The following ARHGEF6 variants were observed in gnomAD, a reference collection of about 807,000 sequenced individuals.
ARHGEF6 encodes Rac/Cdc42 guanine nucleotide exchange factor 6.
ARHGEF6 carries 9 observed loss-of-function variants against 70.3 expected under a neutral mutation model. The ratio of observed to expected loss-of-function variants is 0.13; its 90% CI spans 0.08 to 0.22. The LOEUF (loss-of-function observed/expected upper bound fraction) is 0.22. ARHGEF6 is among the 10% of genes least tolerant of loss of function. The pLI is 1.00. For synonymous variants in ARHGEF6, 201 were observed against 207.8 expected (o/e 0.97, Z 0.28); for missense variants, 470 against 563.0 (o/e 0.83, Z 1.67).
At chrX:136,765,924 T>C (rs2077309000) in intron 2 of ARHGEF6, among the ~76,000 whole-genome samples, 3 of 112,375 alleles carry the variant, frequency 2.7e-5, no homozygotes, top group African/African-American at 9.7e-5. Context: ...TAGCTGGAAA[T>C]TTACTTTGTT....
chrX:136,734,596 T>A (rs919003011), intron 5 of ARHGEF6, among the ~76,000 whole-genome samples: 2 of 111,803 alleles, frequency 1.8e-5, no homozygotes, highest in Non-Finnish European at 3.8e-5. Context: ...CAATACTAAT[T>A]CCATATAATG....
intron 2 of ARHGEF6, among the ~76,000 whole-genome samples, chrX:136,770,906 A>T (rs1569425394): frequency 8.9e-6 from 1 of 112,268 alleles, no homozygotes; most frequent in East Asian, 2.8e-4. Flanking sequence ...CTGAGGTAGG[A>T]CAATCACCTG....
intron 6 of ARHGEF6, among the ~76,000 whole-genome samples, chrX:136,728,469 G>A (rs1477193926): frequency 9.2e-6 from 1 of 109,032 alleles, no homozygotes; most frequent in East Asian, 2.9e-4. Flanking sequence ...TTAGAAACTT[G>A]AAAAAGGGGA....
chrX:136,708,754 C>T lies in ARHGEF6; in HGVS notation c.844G>A (p.Val282Ile), dbSNP rs892895696. The T allele has an allele frequency of 8.4e-7, 1 of 1,195,450 alleles. No individual in the cohort carries two copies. The highest frequency in any genetic ancestry group is 1.7e-5 in the African/African-American group (1 of 57,409). The stretch of plus-strand genomic sequence containing the variant: ...TCGAAGTTTCCCAGTAAAGATGTAA[C>T]CTCCACAGTACTCAGACTGAAAAAA... ...QSNNNLSTVE[V>I]TSLLGNFEEV... Residue 282 changes from valine (V) to isoleucine (I), a missense_variant, in exon 8 of 22, where the codon GTT (valine) becomes ATT (isoleucine). By Grantham distance (29) the Val-to-Ile change is conservative (BLOSUM62 3). Around this residue, in one of 3 missense-constraint regions of ARHGEF6, gnomAD observed 379 missense variants for 449.3 expected, o/e 0.84. Transcript: ENST00000250617.
intron 6 of ARHGEF6, among the ~76,000 whole-genome samples, chrX:136,730,303 T>A: frequency 9.0e-6 from 1 of 111,283 alleles, no homozygotes; most frequent in South Asian, 3.8e-4. Flanking sequence ...TGAAATAGAT[T>A]TTTTTTATTC....
rs1053351571 is a variant in ARHGEF6, at chrX:136,675,133, T to C, written c.1946-37A>G. On this transcript the variant is annotated intron_variant, in intron 18 of 21. Transcript: ENST00000250617. ...AATTCATCATGACTTTTCATAGATATATGCTTTTGGACCCTCAAAATGATG... is the reference window on the plus strand; with the variant it reads ...AATTCATCATGACTTTTCATAGATACATGCTTTTGGACCCTCAAAATGATG... 7.1e-6 allele frequency: 8 copies of C among 1,122,733 alleles called. No individual in the cohort carries two copies. The African/African-American group carries it at 1.1e-4, about 15-fold the overall frequency. 92.5% of individuals were successfully genotyped at this position (1,122,733 alleles called of 1,213,427 possible). A position where few individuals can be genotyped will look rare whatever the true frequency, so the allele number is the denominator to read the frequency against.
At chrX:136,686,392 C>A (rs1390245995) in intron 11 of ARHGEF6, among the ~76,000 whole-genome samples, 1 of 107,818 alleles carries the variant, frequency 9.3e-6, no homozygotes. Flanking sequence ...GAAACCTAGG[C>A]ACTGCTGTAC....
At chrX:136,727,325 T>TTCTTTTTC (rs1556284733) in intron 6 of ARHGEF6, among the ~76,000 whole-genome samples, 1,208 of 60,842 alleles carry the variant, frequency 0.02, 18 homozygotes, top group Middle Eastern at 0.035. Flanking sequence ...CTTTCTTTCT[T>TTCTTTTTC]TTTCTTTCTT....
At position 136,669,927 on chromosome X, in the gene ARHGEF6, C is replaced by A. The variant is rs139514835; in HGVS notation, c.2136-391G>T. 8.0e-4 allele frequency among the ~76,000 whole-genome samples: 89 copies of A among 111,794 alleles called. 1 individual carries two copies. Among genetic ancestry groups the A allele is most frequent in the African/African-American group, 2.8e-3 (86 of 30,765 alleles). On this transcript the variant is annotated intron_variant, in intron 20 of 21. Transcript: ENST00000250617. ...ATATGTATACATTGTGAAGTGGTTA[C>A]CATAATCAAGCTAATTAACATATCC...
chrX:136,754,493 A>G (rs1302797533), intron 2 of ARHGEF6, among the ~76,000 whole-genome samples: 4 of 105,952 alleles, frequency 3.8e-5, no homozygotes, highest in Non-Finnish European at 7.8e-5. Context: ...GCTGAGGTAG[A>G]AGAATGGCTT....
In ARHGEF6 at chrX:136,674,134, TG is replaced by T. The variant is rs1268038958; in HGVS notation, c.2035+872del. Among the ~76,000 whole-genome samples the T allele has an allele frequency of 2.7e-5, 3 of 112,526 alleles. No homozygotes were observed. The East Asian group carries it at 8.4e-4, about 31-fold the overall frequency. The stretch of plus-strand genomic sequence containing the variant: ...TGCCTGCTTTGGCCTCCCAAAGTGC[TG>T]GATTACAGGCGTGAGCCATCATGCC... On this transcript the variant is annotated intron_variant, in intron 19 of 21. Coordinates refer to ENST00000250617, the MANE Select transcript of ARHGEF6 (RefSeq NM_004840.3).
At chrX:136,703,747 C>A (rs2076599528) in intron 9 of ARHGEF6, among the ~76,000 whole-genome samples, 2 of 112,552 alleles carry the variant, frequency 1.8e-5, no homozygotes, top group Non-Finnish European at 1.9e-5. Flanking sequence ...GTCTCAAACT[C>A]CTGACCTCAG....
chrX:136,779,386 A>G, intron 2 of ARHGEF6, 28 bp downstream of exon 2: 1 of 1,176,350 alleles, frequency 8.5e-7, no homozygotes, highest in South Asian at 1.8e-5. Flanking sequence ...AACGATGACA[A>G]CAGGGAAGGC....
At chrX:136,706,769 A>T in intron 9 of ARHGEF6, 139 bp downstream of exon 9, 1 of 842,287 alleles carries the variant, frequency 1.2e-6, no homozygotes, top group Non-Finnish European at 1.7e-6. Context: ...ATGGACAATC[A>T]ATCCATGTAA....
chrX:136,705,215 G>A (rs1000311937), intron 9 of ARHGEF6, among the ~76,000 whole-genome samples: 2 of 108,848 alleles, frequency 1.8e-5, no homozygotes, highest in African/African-American at 6.7e-5. Context: ...GGAGGCTGAG[G>A]CAGGAGAATC....
chrX:136,667,083 C>T lies in ARHGEF6; in HGVS notation c.*946G>A, dbSNP rs1174616570. On this transcript the variant is annotated 3_prime_UTR_variant, in exon 22 of 22. Coordinates refer to ENST00000250617, the MANE Select transcript of ARHGEF6 (RefSeq NM_004840.3). ...AATATGCAACGTACATAAAGTAACTCCTCACAGTCTAACTACATTTTTTTA... is the reference window on the plus strand; with the variant it reads ...AATATGCAACGTACATAAAGTAACTTCTCACAGTCTAACTACATTTTTTTA... The T allele has an allele frequency of 8.9e-6, 1 of 112,461 alleles. No homozygotes were observed. 9.3% of individuals were successfully genotyped at this position (112,461 alleles called of 1,213,427 possible). A position where few individuals can be genotyped will look rare whatever the true frequency, so the allele number is the denominator to read the frequency against.
At chrX:136,700,750 A>T (rs1236663017) in intron 9 of ARHGEF6, among the ~76,000 whole-genome samples, 1 of 112,276 alleles carries the variant, frequency 8.9e-6, no homozygotes, top group African/African-American at 3.2e-5. Context: ...GCATGCTGAA[A>T]GGCAAGAAAA....
At chrX:136,716,150 A>G (rs1022560057) in intron 6 of ARHGEF6, among the ~76,000 whole-genome samples, 4 of 112,703 alleles carry the variant, frequency 3.5e-5, no homozygotes, top group African/African-American at 1.3e-4. Context: ...CATGTTGGTC[A>G]AGCTGGTTTC....
At chrX:136,669,911 C>T (rs1325845792) in intron 20 of ARHGEF6, among the ~76,000 whole-genome samples, 1 of 111,958 alleles carries the variant, frequency 8.9e-6, no homozygotes, top group Admixed American at 9.4e-5. Flanking sequence ...TATATGTATA[C>T]ATTGTGAAGT....
Sources: allele counts gnomAD v4.1 joint callset (sites outside exome capture counted in the v4.1 genomes callset), GRCh38; gene constraint gnomAD v4.1.1; regional missense constraint gnomAD v4.1.1; transcripts MANE v1.5; gene names NCBI Gene and HGNC (gene_info 2026-07-23, HGNC 2026-07-21).